The following FOLH1 variants were observed in gnomAD, a reference collection of about 807,000 sequenced individuals.
FOLH1 encodes folate hydrolase 1.
A neutral mutation model predicts 93.9 loss-of-function variants in FOLH1; 54 were observed. The observed-to-expected ratio is 0.57, with a 90% CI of 0.46 to 0.72. FOLH1 has a LOEUF of 0.72. Ranked by LOEUF, FOLH1 falls within the 30% of genes least tolerant of loss-of-function variation. FOLH1 has a pLI of 0.00. For synonymous variants in FOLH1, 249 were observed against 303.6 expected (o/e 0.82, Z 1.87); for missense variants, 571 against 892.5 (o/e 0.64, Z 4.59).
chr11:49,196,054 T>A (rs1278966306), intron 3 of FOLH1, among the ~76,000 whole-genome samples: 2 of 152,044 alleles, frequency 1.3e-5, no homozygotes, highest in East Asian at 3.9e-4. Flanking sequence ...CTTGGGAGGC[T>A]GAGGTGGGAG....
chr11:49,197,022 A>G (rs781307900), intron 3 of FOLH1, among the ~76,000 whole-genome samples: 1 of 152,184 alleles, frequency 6.6e-6, no homozygotes, highest in Non-Finnish European at 1.5e-5. Flanking sequence ...ATCAACTACG[A>G]CTTGCCACAT....
chr11:49,170,096 A>G (rs1859060625), intron 11 of FOLH1, among the ~76,000 whole-genome samples: 1 of 152,176 alleles, frequency 6.6e-6, no homozygotes, highest in African/African-American at 2.4e-5. Context: ...GTATGAAAGG[A>G]GCCAGTAAAT....
At position 49,201,373 on chromosome 11, in the gene FOLH1, C is replaced by A. The variant is rs1201053515; in HGVS notation, c.225-932G>T. 4.0e-5 allele frequency among the ~76,000 whole-genome samples: 6 copies of A among 149,968 alleles called. No individual in the cohort carries two copies. In the East Asian group the frequency reaches 1.2e-3, roughly 29 times the overall value. Reference sequence around the variant, plus strand: ...CCATCCTTATGGTGATTTAAAAAAACTAATAACCAACATGACTATGATAAT... The same window carrying A: ...CCATCCTTATGGTGATTTAAAAAAAATAATAACCAACATGACTATGATAAT... On this transcript the variant is annotated intron_variant, in intron 2 of 18. Coordinates refer to ENST00000256999, the MANE Select transcript of FOLH1 (RefSeq NM_004476.3).
At chr11:49,166,150 G>T (rs182876751) in intron 12 of FOLH1, among the ~76,000 whole-genome samples, 215 of 152,298 alleles carry the variant, frequency 1.4e-3, no homozygotes, top group Non-Finnish European at 2.3e-3. Context: ...TTTTTTAAGT[G>T]AAACCGAGAT....
intron 2 of FOLH1, among the ~76,000 whole-genome samples, chr11:49,200,748 T>C (rs1267871473): frequency 6.6e-6 from 1 of 152,144 alleles, no homozygotes; most frequent in Non-Finnish European, 1.5e-5. Context: ...TCTTGGAACT[T>C]ACATGGAATT....
chr11:49,145,409 C>T lies in FOLH1; in HGVS notation c.*1347G>A, dbSNP rs772177313. Among the ~76,000 whole-genome samples the T allele has an allele frequency of 6.6e-6, 1 of 152,168 alleles. No individual in the cohort carries two copies. The highest frequency in any genetic ancestry group is 1.5e-5 in the Non-Finnish European group (1 of 68,018). On this transcript the variant is annotated 3_prime_UTR_variant, in exon 19 of 19. Transcript: ENST00000256999. ...TCTGTAGTTCAGGCTGCTGCTATGG[C>T]ACCCACTTCCTGAAGTTCATGGTGG...
chr11:49,196,663 C>T (rs992436391), intron 3 of FOLH1, among the ~76,000 whole-genome samples: 2 of 152,072 alleles, frequency 1.3e-5, no homozygotes, highest in African/African-American at 2.4e-5. Context: ...AGAAAAATCG[C>T]ATGCTCATCT....
In FOLH1 at chr11:49,156,857, G is replaced by T. The variant is rs371452988; in HGVS notation, c.1533-50C>A. On this transcript the variant is annotated intron_variant, in intron 14 of 18. Transcript: ENST00000256999. Reference sequence around the variant, plus strand: ...TATTTCAAAGTAATTTGTTCATTAAGCACAGATTACATGTCCATTAAACTA... The same window carrying T: ...TATTTCAAAGTAATTTGTTCATTAATCACAGATTACATGTCCATTAAACTA... 135 of 1,605,170 alleles carry T rather than the reference G, an allele frequency of 8.4e-5. No homozygotes were observed. The African/African-American group carries it at 1.6e-3, about 19-fold the overall frequency.
At chr11:49,189,528 G>A (rs1488405832) in intron 4 of FOLH1, among the ~76,000 whole-genome samples, 2 of 152,086 alleles carry the variant, frequency 1.3e-5, no homozygotes, top group African/African-American at 2.4e-5. Context: ...CACTCACAAT[G>A]GAATTAAGTC....
intron 5 of FOLH1, among the ~76,000 whole-genome samples, chr11:49,186,398 T>C (rs541780083): frequency 5.9e-5 from 9 of 152,310 alleles, no homozygotes; most frequent in African/African-American, 2.2e-4. Context: ...GCCACAGCCA[T>C]AACCTGTAAG....
At chr11:49,158,348 T>C (rs1248847628) in intron 13 of FOLH1, among the ~76,000 whole-genome samples, 1 of 152,160 alleles carries the variant, frequency 6.6e-6, no homozygotes, top group Non-Finnish European at 1.5e-5. Flanking sequence ...TTTTTGTCTA[T>C]TTTTCTGAAT....
intron 13 of FOLH1, among the ~76,000 whole-genome samples, chr11:49,163,411 C>A (rs1313607796): frequency 6.6e-6 from 1 of 152,032 alleles, no homozygotes; most frequent in African/African-American, 2.4e-5. Context: ...CACCCCCAGT[C>A]ATCTTGGGCT....
In FOLH1 at chr11:49,194,702, G is replaced by T. The variant is rs527715417; in HGVS notation, c.412-1808C>A. 4.6e-5 allele frequency among the ~76,000 whole-genome samples: 7 copies of T among 151,968 alleles called. No individual in the cohort carries two copies. In the East Asian group the frequency reaches 1.4e-3, roughly 29 times the overall value. ...AGCGTAGCATGTCTAAATAAAATCA[G>T]CTGTGTACCAATTGACAAGCAGTGA... On this transcript the variant is annotated intron_variant, in intron 3 of 18. Coordinates refer to ENST00000256999, the MANE Select transcript of FOLH1 (RefSeq NM_004476.3).
In FOLH1 at chr11:49,158,158, C is replaced by G. The variant is rs550475955; in HGVS notation, c.1441-115G>C. 1.4e-4 allele frequency: 112 copies of G among 790,506 alleles called. No individual in the cohort carries two copies. The South Asian group carries it at 2.5e-3, about 18-fold the overall frequency. 49.0% of individuals were successfully genotyped at this position (790,506 alleles called of 1,614,324 possible). On this transcript the variant is annotated intron_variant, in intron 13 of 18. Transcript: ENST00000256999. ...CACAATTCAGCAAAAACAAGGGATG[C>G]TATCCATACATTAGCAGTCATCAAG...
intron 6 of FOLH1, among the ~76,000 whole-genome samples, chr11:49,185,341 C>T (rs1861241095): frequency 6.6e-6 from 1 of 152,172 alleles, no homozygotes; most frequent in East Asian, 1.9e-4. Flanking sequence ...TATTCATACA[C>T]TCTGCAACAA....
In FOLH1 at chr11:49,157,983, T is replaced by G. The variant is rs533663504; in HGVS notation, c.1501A>C (p.Ser501Arg). The G allele has an allele frequency of 1.9e-6, 3 of 1,597,072 alleles. No homozygotes were observed. The highest frequency in any genetic ancestry group is 1.7e-5 in the Admixed American group (1 of 58,830). The change falls in exon 14 of 19, where the codon AGT (serine) becomes CGT (arginine). Residue 501 changes from serine to arginine, a missense_variant. Physicochemically the swap from Ser to Arg is moderately radical, Grantham distance 110 (BLOSUM62 -1). Around this residue, in one of 2 missense-constraint regions of FOLH1, gnomAD observed 500 missense variants for 822.9 expected, o/e 0.61. Transcript: ENST00000256999. ...KSLYESWTKK[S>R]PSPEFSGMPR... ...ATGCCACTGAACTCTGGGGAAGGACTTTTTTTAGTCCAACTTTCATAAAGA... is the reference window on the plus strand; with the variant it reads ...ATGCCACTGAACTCTGGGGAAGGACGTTTTTTAGTCCAACTTTCATAAAGA...
intron 3 of FOLH1, among the ~76,000 whole-genome samples, chr11:49,193,319 A>C (rs1308177751): frequency 6.6e-6 from 1 of 152,198 alleles, no homozygotes; most frequent in Non-Finnish European, 1.5e-5. Flanking sequence ...TGGCATACAT[A>C]CTAAGCTAGT....
At chr11:49,190,164 T>C (rs1861864781) in intron 4 of FOLH1, among the ~76,000 whole-genome samples, 1 of 152,208 alleles carries the variant, frequency 6.6e-6, no homozygotes, top group Non-Finnish European at 1.5e-5. Flanking sequence ...TATAAGTAAC[T>C]TTGAGGAGAT....
intron 2 of FOLH1, among the ~76,000 whole-genome samples, 161 bp downstream of exon 2, chr11:49,205,906 G>T (rs1399071371): frequency 6.6e-6 from 1 of 152,170 alleles, no homozygotes; most frequent in African/African-American, 2.4e-5. Context: ...ACAAAATTTA[G>T]CTGAAAGTAT....
Sources: gnomAD v4.1 joint callset for allele counts (sites outside exome capture counted in the v4.1 genomes callset) on GRCh38, gnomAD v4.1.1 for gene constraint, gnomAD v4.1.1 regional missense constraint, MANE v1.5 for transcripts, NCBI Gene and HGNC (gene_info 2026-07-23, HGNC 2026-07-21) for gene names.